TMEM45A: variants seen among roughly 807,000 people sequenced by gnomAD.
TMEM45A encodes the protein DNA polymerase-transactivated protein 4.
TMEM45A carries 25 observed loss-of-function variants against 32.0 expected under a neutral mutation model. The observed-to-expected ratio is 0.78, with a 90% confidence interval of 0.57 to 1.09. The LOEUF (loss-of-function observed/expected upper bound fraction) is 1.09. Ranked by LOEUF, TMEM45A falls within the 50% of genes least tolerant of loss-of-function variation. The pLI is 0.00. For missense variants in TMEM45A, 302 were observed against 325.0 expected, an observed-to-expected ratio of 0.93 and a Z score of 0.54; for synonymous variants, 122 against 114.8, an observed-to-expected ratio of 1.06 and a Z score of -0.40.
At position 100,558,498 on chromosome 3, in the gene TMEM45A, T is replaced by A; in HGVS notation, c.497T>A (p.Val166Asp). The change falls in exon 4 of 6, where the codon GTT becomes GAT. Residue 166 changes from valine to aspartate, a missense_variant. Coordinates refer to ENST00000323523, the MANE Select transcript of TMEM45A (RefSeq NM_018004.3). Reference protein sequence around the residue: ...LVLVVFLTGLVAFLEFLVRNN... With the variant: ...LVLVVFLTGLDAFLEFLVRNN... Reference sequence around the variant, plus strand: ...TTGGTCGTCTTTCTGACAGGCCTCGTTGCCTTCCTAGAGTTCCTTGTTCGG... The same window carrying A: ...TTGGTCGTCTTTCTGACAGGCCTCGATGCCTTCCTAGAGTTCCTTGTTCGG... 6.2e-7 allele frequency: 1 copy of A among 1,614,156 alleles called. No homozygotes were observed. The highest frequency in any genetic ancestry group is 8.5e-7 in the Non-Finnish European group (1 of 1,180,002).
Position 100,568,931 on chromosome 3 carries a change from T to G in TMEM45A, c.698T>G (p.Ile233Ser). ...TTTTGTTGGCATTATGCAGTAACCA[T>G]TGTCATCGTTGGAATGAATTATGCT... ...ICFCWHYAVT[I>S]VIVGMNYAFI... Residue 233 changes from isoleucine (I) to serine (S), a missense_variant, in exon 5 of 6, where the codon ATT becomes AGT. Ile to Ser is a moderately radical substitution (Grantham distance 142, BLOSUM62 -2). Transcript: ENST00000323523. 1 of 1,613,550 alleles carries G rather than the reference T, an allele frequency of 6.2e-7. No homozygotes were observed. Among genetic ancestry groups the G allele is most frequent in the Non-Finnish European group, 8.5e-7 (1 of 1,179,698 alleles).
In TMEM45A at chr3:100,528,745, T is replaced by A. The variant is rs916733495; in HGVS notation, c.-3-26464T>A. ...TTTAAAAGAAAAGCTGGCATTGTACTGTTTTTTAAATCATTTATTTAATTT... is the reference window on the plus strand; with the variant it reads ...TTTAAAAGAAAAGCTGGCATTGTACAGTTTTTTAAATCATTTATTTAATTT... On this transcript the variant is annotated intron_variant, in intron 1 of 5. Coordinates refer to ENST00000323523, the MANE Select transcript of TMEM45A (RefSeq NM_018004.3). 3.9e-5 allele frequency among the ~76,000 whole-genome samples: 6 copies of A among 152,214 alleles called. No individual in the cohort carries two copies. The South Asian group carries it at 1.2e-3, about 31-fold the overall frequency.
chr3:100,568,348 T>C (rs1052915896), intron 4 of TMEM45A, among the ~76,000 whole-genome samples: 1 of 152,230 alleles, frequency 6.6e-6, no homozygotes, highest in Non-Finnish European at 1.5e-5. Context: ...ACTTAATTGC[T>C]CTAGCTAAGA....
chr3:100,548,346 C>T (rs568994725), intron 1 of TMEM45A, among the ~76,000 whole-genome samples: 18 of 152,184 alleles, frequency 1.2e-4, no homozygotes. Context: ...ATTCAAATAG[C>T]ATTCCTGTGT....
At chr3:100,521,615 C>T (rs1472781952) in intron 1 of TMEM45A, among the ~76,000 whole-genome samples, 1 of 152,192 alleles carries the variant, frequency 6.6e-6, no homozygotes. Context: ...TATGACATTG[C>T]CACACCAGCT....
At chr3:100,538,350 G>A (rs1231540093) in intron 1 of TMEM45A, among the ~76,000 whole-genome samples, 1 of 145,988 alleles carries the variant, frequency 6.8e-6, no homozygotes, top group African/African-American at 2.4e-5. Context: ...TTTTTTAAAA[G>A]ATAAGTTAAA....
chr3:100,560,373 T>C (rs9865411), intron 4 of TMEM45A, among the ~76,000 whole-genome samples: 78,520 of 151,734 alleles, frequency 0.52, 22,279 homozygotes, highest in African/African-American at 0.76. Flanking sequence ...AGCTGCCTTC[T>C]GTAAGATTTG....
At position 100,558,400 on chromosome 3, in the gene TMEM45A, A is replaced by T. The variant is rs963020025; in HGVS notation, c.404-5A>T. On this transcript the variant is annotated splice_region_variant and splice_polypyrimidine_tract_variant and intron_variant, in intron 3 of 5. Coordinates refer to ENST00000323523, the MANE Select transcript of TMEM45A (RefSeq NM_018004.3). ...GAAAAAGACAATCTGTTTTTTCCCCATCAGCCTTTATCTTCTACAACCACA... is the reference window on the plus strand; with the variant it reads ...GAAAAAGACAATCTGTTTTTTCCCCTTCAGCCTTTATCTTCTACAACCACA... The T allele has an allele frequency of 1.2e-6, 2 of 1,612,514 alleles. No individual in the cohort carries two copies. The highest frequency in any genetic ancestry group is 2.7e-5 in the African/African-American group (2 of 74,868).
At chr3:100,521,636 C>T (rs372955830) in intron 1 of TMEM45A, among the ~76,000 whole-genome samples, 23 of 152,190 alleles carry the variant, frequency 1.5e-4, no homozygotes, top group Admixed American at 2.6e-4. Context: ...GCAGCACGTA[C>T]GCACACACCC....
intron 5 of TMEM45A, chr3:100,573,222 C>G (rs1418713048): frequency 2.2e-4 from 34 of 151,498 alleles, no homozygotes; most frequent in African/African-American, 7.5e-4. Context: ...ATTGATTCTT[C>G]CTACCCATGA....
rs567203988 is a variant in TMEM45A, at chr3:100,557,127, C to T, written c.403+155C>T. 4.6e-5 allele frequency among the ~76,000 whole-genome samples: 7 copies of T among 152,210 alleles called. No homozygotes were observed. The East Asian group carries it at 5.8e-4, about 13-fold the overall frequency. ...AAATATTTGGGTGTCCTAGGCAGGG[C>T]GCCAAAAATCTACATGCTGTACTGA... On this transcript the variant is annotated intron_variant, in intron 3 of 5. Coordinates refer to ENST00000323523, the MANE Select transcript of TMEM45A (RefSeq NM_018004.3).
intron 5 of TMEM45A, chr3:100,571,132 G>A (rs1706548430): frequency 6.6e-6 from 1 of 152,012 alleles, no homozygotes; most frequent in African/African-American, 2.4e-5. Context: ...GGTCAAATCT[G>A]CAAATGCTTT....
chr3:100,546,103 G>T (rs924240948), intron 1 of TMEM45A, among the ~76,000 whole-genome samples: 2 of 152,108 alleles, frequency 1.3e-5, no homozygotes, highest in African/African-American at 4.8e-5. Context: ...AAGGAGGGGG[G>T]CTATGAGCCA....
intron 1 of TMEM45A, among the ~76,000 whole-genome samples, chr3:100,509,817 G>A (rs1708129302): frequency 6.6e-6 from 1 of 152,166 alleles, no homozygotes; most frequent in Admixed American, 6.5e-5. Context: ...AAGTGCAAGG[G>A]GTCAGGGACT....
intron 1 of TMEM45A, among the ~76,000 whole-genome samples, chr3:100,545,440 G>A (rs1163277943): frequency 6.6e-6 from 1 of 152,112 alleles, no homozygotes; most frequent in Non-Finnish European, 1.5e-5. Context: ...TCTCATATGT[G>A]TATAGTTTCT....
chr3:100,505,795 T>C (rs932532892), intron 1 of TMEM45A, among the ~76,000 whole-genome samples: 2 of 152,136 alleles, frequency 1.3e-5, no homozygotes, highest in South Asian at 2.1e-4. Flanking sequence ...CTCTAAGAAA[T>C]AGGAGACAAA....
chr3:100,576,306 C>T (rs1706684021), intron 5 of TMEM45A, among the ~76,000 whole-genome samples: 1 of 152,100 alleles, frequency 6.6e-6, no homozygotes, highest in Admixed American at 6.6e-5. Flanking sequence ...AAAAAATTAG[C>T]TGGGCGTGGT....
intron 1 of TMEM45A, among the ~76,000 whole-genome samples, chr3:100,507,154 C>T (rs531589284): frequency 9.6e-4 from 146 of 152,254 alleles, no homozygotes; most frequent in African/African-American, 3.2e-3. Flanking sequence ...GTTTCCAGGC[C>T]TATTTGTCCG....
chr3:100,567,165 A>G (rs1706458450), intron 4 of TMEM45A, among the ~76,000 whole-genome samples: 1 of 151,702 alleles, frequency 6.6e-6, no homozygotes, highest in African/African-American at 2.4e-5. Context: ...TATATATATA[A>G]TTTTATACAT....
Sources: gnomAD v4.1 joint callset for allele counts (sites outside exome capture counted in the v4.1 genomes callset) on GRCh38, gnomAD v4.1.1 for gene constraint, MANE v1.5 for transcripts, NCBI Gene and HGNC (gene_info 2026-07-23, HGNC 2026-07-21) for gene names.